Variants in EFR3A observed in about 807,000 individuals in gnomAD.
EFR3A encodes protein EFR3 homolog A.
Under a neutral mutation model 104.4 loss-of-function variants are expected in EFR3A, and 76 were observed. The observed-to-expected ratio is 0.73, with a 90% CI of 0.60 to 0.88. The LOEUF (loss-of-function observed/expected upper bound fraction) is 0.88. Among genes scored for constraint, EFR3A ranks in the 40% least tolerant of loss-of-function variants. The pLI, the probability that EFR3A is intolerant of heterozygous loss-of-function variation, is 0.00. For missense variants in EFR3A, 985 were observed against 1,012.5 expected (o/e 0.97, Z 0.37); for synonymous variants, 330 against 330.0 (o/e 1.00, Z 0.00).
intron 1 of EFR3A, among the ~76,000 whole-genome samples, chr8:131,926,922 A>G (rs1470404045): frequency 6.6e-6 from 1 of 152,176 alleles, no homozygotes; most frequent in African/African-American, 2.4e-5. Context: ...TTAGTCTAAT[A>G]TATTAGAGAG....
intron 1 of EFR3A, among the ~76,000 whole-genome samples, chr8:131,908,170 C>G (rs187464405): frequency 6.2e-4 from 95 of 152,078 alleles, no homozygotes; most frequent in African/African-American, 2.3e-3. Context: ...AAGCAGTTCT[C>G]CTGTCTCAGC....
chr8:131,962,518 A>C (rs1382766930), intron 8 of EFR3A, among the ~76,000 whole-genome samples: 2 of 152,222 alleles, frequency 1.3e-5, no homozygotes, highest in Non-Finnish European at 2.9e-5. Flanking sequence ...GACTCTCCTA[A>C]ATATATATGC....
At chr8:131,959,505 G>A in intron 7 of EFR3A, 80 bp from the exon 8 acceptor site, 1 of 1,125,400 alleles carries the variant, frequency 8.9e-7, no homozygotes, top group Non-Finnish European at 1.3e-6. Flanking sequence ...TCACTATTAA[G>A]CTTTTCCTAT....
At position 131,985,048 on chromosome 8, in the gene EFR3A, G is replaced by A. The variant is rs1305328749; in HGVS notation, c.1857G>A (p.Gln619=). The change falls in exon 16 of 23, where the codon CAG becomes CAA. Residue 619 remains glutamine (Q), a synonymous_variant. Coordinates refer to ENST00000254624, the MANE Select transcript of EFR3A (RefSeq NM_015137.6). The part of the protein sequence containing the change: ...SQMIAVPAFC[Q]HVSKVIEIRT... ...TGATAGCTGTCCCTGCATTTTGCCAGCATGTTAGCAAGGTAATGTATTTAG... is the reference window on the plus strand; with the variant it reads ...TGATAGCTGTCCCTGCATTTTGCCAACATGTTAGCAAGGTAATGTATTTAG... The A allele has an allele frequency of 6.2e-7, 1 of 1,613,126 alleles. No homozygotes were observed. The highest frequency in any genetic ancestry group is 8.5e-7 in the Non-Finnish European group (1 of 1,179,360).
intron 19 of EFR3A, among the ~76,000 whole-genome samples, chr8:131,998,888 T>G (rs1159945629): frequency 6.6e-6 from 1 of 151,918 alleles, no homozygotes; most frequent in Admixed American, 6.6e-5. Flanking sequence ...TATGTGTGTA[T>G]ACACACACAT....
At chr8:131,948,583 A>G (rs2130595200) in intron 4 of EFR3A, among the ~76,000 whole-genome samples, 1 of 152,244 alleles carries the variant, frequency 6.6e-6, no homozygotes, top group Non-Finnish European at 1.5e-5. Context: ...TTTTGTTTAC[A>G]TTAGGTGAGG....
chr8:131,943,416 A>ATG (rs1439599460), intron 2 of EFR3A, among the ~76,000 whole-genome samples: 4 of 152,024 alleles, frequency 2.6e-5, no homozygotes, highest in Non-Finnish European at 5.9e-5. Context: ...TTCAATGATG[A>ATG]TGTGGAGGAA....
chr8:132,001,506 G>C (rs993118478), intron 19 of EFR3A, among the ~76,000 whole-genome samples: 2 of 152,116 alleles, frequency 1.3e-5, no homozygotes, highest in African/African-American at 4.8e-5. Context: ...GTTGCCTAGG[G>C]TATGTTAATT....
At chr8:131,985,900 G>A (rs1336377833) in intron 16 of EFR3A, among the ~76,000 whole-genome samples, 1 of 152,114 alleles carries the variant, frequency 6.6e-6, no homozygotes, top group East Asian at 1.9e-4. Context: ...TGAGAAAATA[G>A]ATATTCTTGC....
rs775436921 is a variant in EFR3A, at chr8:131,953,935, G to C, written c.606G>C (p.Leu202=). Residue 202 remains leucine, a synonymous_variant, in exon 6 of 23, where the codon CTG becomes CTC. Transcript: ENST00000254624. ...QHMDKIVPSL[L]FNMQKIEEVD... ...TGGATAAGATTGTTCCATCCCTCCT[G>C]TTTAACATGCAAAAGATAGAAGAAG... is the stretch of plus-strand genomic sequence containing the variant. 2 of 1,559,644 alleles carry C rather than the reference G, an allele frequency of 1.3e-6. No homozygotes were observed.
In EFR3A at chr8:131,941,594, A is replaced by G. The variant is rs565499834; in HGVS notation, c.87+1019A>G. ...ACTGCCTTGAAGGACCTTTCCATCC[A>G]GTAACTGACATAAAGCAGAAACATA... On this transcript the variant is annotated intron_variant, in intron 2 of 22. Transcript: ENST00000254624. Among the ~76,000 whole-genome samples the G allele has an allele frequency of 1.8e-3, 280 of 152,246 alleles. 2 individuals carry two copies. Among genetic ancestry groups the G allele is most frequent in the African/African-American group, 6.5e-3 (272 of 41,556 alleles).
intron 1 of EFR3A, among the ~76,000 whole-genome samples, chr8:131,911,435 A>T (rs754858556): frequency 6.6e-6 from 1 of 152,208 alleles, no homozygotes; most frequent in Non-Finnish European, 1.5e-5. Flanking sequence ...ATCACCAGAG[A>T]AGGAACTTTA....
At chr8:131,962,288 C>T (rs1217423246) in intron 8 of EFR3A, among the ~76,000 whole-genome samples, 1 of 152,066 alleles carries the variant, frequency 6.6e-6, no homozygotes, top group Non-Finnish European at 1.5e-5. Context: ...AGTCAAGACC[C>T]ATCAGTGTGC....
At chr8:131,988,503 T>G (rs1002001681) in intron 18 of EFR3A, among the ~76,000 whole-genome samples, 1 of 152,108 alleles carries the variant, frequency 6.6e-6, no homozygotes, top group Non-Finnish European at 1.5e-5. Flanking sequence ...TAATAGTTGT[T>G]CATAACAGTC....
intron 1 of EFR3A, among the ~76,000 whole-genome samples, chr8:131,918,958 T>G (rs1454794307): frequency 3.3e-5 from 5 of 152,206 alleles, no homozygotes; most frequent in Non-Finnish European, 5.9e-5. Flanking sequence ...CTAAGAAAGA[T>G]CCTAGTCATT....
intron 19 of EFR3A, 90 bp from the exon 20 acceptor site, chr8:132,001,669 A>C (rs1260538463): frequency 8.6e-7 from 1 of 1,161,948 alleles, no homozygotes; most frequent in African/African-American, 1.5e-5. Flanking sequence ...AACAAATCTG[A>C]AAAACTTCTT....
chr8:131,982,643 G>A (rs767837727), intron 14 of EFR3A, among the ~76,000 whole-genome samples: 2 of 152,072 alleles, frequency 1.3e-5, no homozygotes, highest in Non-Finnish European at 2.9e-5. Flanking sequence ...TGACTATGTA[G>A]TAGGTAATTT....
At chr8:131,993,469 C>T (rs1394418940) in intron 18 of EFR3A, among the ~76,000 whole-genome samples, 2 of 152,088 alleles carry the variant, frequency 1.3e-5, no homozygotes, top group Admixed American at 6.6e-5. Flanking sequence ...TTAGTTACAA[C>T]CATGGAAGGC....
intron 7 of EFR3A, among the ~76,000 whole-genome samples, chr8:131,959,265 T>C (rs1475249144): frequency 6.6e-6 from 1 of 152,204 alleles, no homozygotes; most frequent in Non-Finnish European, 1.5e-5. Context: ...TCATTCACCC[T>C]CTTTCATTCA....
Sources: gnomAD v4.1 joint callset for allele counts (sites outside exome capture counted in the v4.1 genomes callset) on GRCh38, gnomAD v4.1.1 for gene constraint, MANE v1.5 for transcripts, NCBI Gene and HGNC (gene_info 2026-07-23, HGNC 2026-07-21) for gene names.